The following SV2C variants were observed in gnomAD, a reference collection of about 807,000 sequenced individuals.
SV2C encodes the protein synaptic vesicle glycoprotein 2C.
SV2C carries 49 observed loss-of-function variants against 79.7 expected under a neutral mutation model. The observed-to-expected ratio is 0.61, with a 90% CI of 0.49 to 0.78. SV2C has a LOEUF of 0.78. SV2C is among the 30% of genes least tolerant of loss of function. SV2C has a pLI of 0.00. For missense variants in SV2C, 833 were observed against 912.9 expected, an observed-to-expected ratio of 0.91 and a Z score of 1.13; for synonymous variants, 334 against 333.2, an observed-to-expected ratio of 1.00 and a Z score of -0.03.
the SV2C span, among the ~76,000 whole-genome samples, chr5:75,914,671 C>G: frequency 6.6e-6 from 1 of 152,068 alleles, no homozygotes; most frequent in Non-Finnish European, 1.5e-5. Flanking sequence ...AATGTATATC[C>G]AAATCTAAAT....
the SV2C span, among the ~76,000 whole-genome samples, chr5:76,067,383 AT>A: frequency 6.6e-6 from 1 of 151,442 alleles, no homozygotes; most frequent in South Asian, 2.1e-4. Context: ...TCTCTTTGTT[AT>A]TTAGTATAAT....
At chr5:75,852,781 A>G in the SV2C span, among the ~76,000 whole-genome samples, 12,053 of 148,602 alleles carry the variant, frequency 0.081, 1,161 homozygotes, top group African/African-American at 0.24. Flanking sequence ...AGCTGCGATC[A>G]CGCAACTGCA....
intron 4 of SV2C, among the ~76,000 whole-genome samples, chr5:76,272,978 C>T (rs1185871080): frequency 6.6e-6 from 1 of 151,662 alleles, no homozygotes; most frequent in Non-Finnish European, 1.5e-5. Flanking sequence ...TAATGTGTGC[C>T]TATTTGTGCT....
chr5:76,017,250 T>A, the SV2C span, among the ~76,000 whole-genome samples: 1 of 152,204 alleles, frequency 6.6e-6, no homozygotes, highest in Non-Finnish European at 1.5e-5. Flanking sequence ...ATTTTATTAA[T>A]AATAATGGTT....
chr5:76,044,375 G>A, the SV2C span, among the ~76,000 whole-genome samples: 27 of 152,244 alleles, frequency 1.8e-4, no homozygotes, highest in African/African-American at 6.0e-4. Context: ...GAACATACAC[G>A]TGTATGTATC....
At chr5:76,135,433 G>A (rs1749034234) in intron 2 of SV2C, among the ~76,000 whole-genome samples, 1 of 152,094 alleles carries the variant, frequency 6.6e-6, no homozygotes, top group Admixed American at 6.6e-5. Context: ...GGCTGGTGGT[G>A]GAGGAGGAAT....
At chr5:76,285,057 A>G in intron 4 of SV2C, 105 bp from the exon 5 acceptor site, 1 of 1,498,826 alleles carries the variant, frequency 6.7e-7, no homozygotes, top group Middle Eastern at 2.4e-4. Flanking sequence ...CTCTGTGGAT[A>G]GTAAGACTTG....
the SV2C span, among the ~76,000 whole-genome samples, chr5:75,901,564 G>C: frequency 6.6e-6 from 1 of 152,228 alleles, no homozygotes; most frequent in East Asian, 1.9e-4. Context: ...GGGGCAATCT[G>C]CCCCTTCTCA....
the SV2C span, among the ~76,000 whole-genome samples, chr5:75,896,997 A>C: frequency 1.4e-5 from 2 of 143,926 alleles, no homozygotes; most frequent in African/African-American, 5.9e-5. Context: ...GGTTGCAAAA[A>C]TTTTCTCCCA....
At chr5:75,909,130 A>G in the SV2C span, among the ~76,000 whole-genome samples, 1 of 152,242 alleles carries the variant, frequency 6.6e-6, no homozygotes, top group Admixed American at 6.5e-5. Context: ...GTTTCCTGAC[A>G]GATCTTCCAT....
the SV2C span, among the ~76,000 whole-genome samples, chr5:76,029,148 A>G: frequency 6.6e-6 from 1 of 152,220 alleles, no homozygotes; most frequent in Non-Finnish European, 1.5e-5. Flanking sequence ...ACAATTTGAT[A>G]TTTTAAAGTA....
chr5:76,242,620 C>T (rs563304199), intron 4 of SV2C, among the ~76,000 whole-genome samples: 34 of 152,214 alleles, frequency 2.2e-4, no homozygotes, highest in Middle Eastern at 6.8e-3. Context: ...CAAAATGCTG[C>T]GAGGTCACAC....
chr5:75,987,198 A>G, the SV2C span, among the ~76,000 whole-genome samples: 2 of 151,956 alleles, frequency 1.3e-5, no homozygotes, highest in South Asian at 4.1e-4. Context: ...GCCAGCGTCC[A>G]TGAACCAGTA....
Position 76,095,326 on chromosome 5 carries a change from T to C in SV2C, c.-102+11814T>C, listed in dbSNP as rs549612067. 1.1e-3 allele frequency among the ~76,000 whole-genome samples: 164 copies of C among 152,216 alleles called. 1 individual carries two copies. Among genetic ancestry groups the C allele is most frequent in the African/African-American group, 3.8e-3 (157 of 41,578 alleles). On this transcript the variant is annotated intron_variant, in intron 1 of 12. Coordinates refer to ENST00000502798, the MANE Select transcript of SV2C (RefSeq NM_014979.4). ...TATTAACTGAAGTAGTAGAATTTCA[T>C]TGATATGCCTCTTATTAATTAACAA...
At chr5:76,280,973 G>C (rs1213488320) in intron 4 of SV2C, 1 of 537,446 alleles carries the variant, frequency 1.9e-6, no homozygotes. Flanking sequence ...CTGGTGATGC[G>C]GCCCAACAGG....
the SV2C span, among the ~76,000 whole-genome samples, chr5:75,936,327 C>T: frequency 6.6e-6 from 1 of 152,194 alleles, no homozygotes; most frequent in South Asian, 2.1e-4. Flanking sequence ...GTCTATGTCT[C>T]TACAGGTTCA....
At chr5:76,006,229 G>T in the SV2C span, among the ~76,000 whole-genome samples, 2 of 152,106 alleles carry the variant, frequency 1.3e-5, no homozygotes, top group Non-Finnish European at 2.9e-5. Context: ...CTGACCCAGT[G>T]CCAGCTTCAT....
chr5:75,993,427 G>A, the SV2C span, among the ~76,000 whole-genome samples: 1 of 151,966 alleles, frequency 6.6e-6, no homozygotes, highest in African/African-American at 2.4e-5. Flanking sequence ...ATGACAAGCT[G>A]AGTGAAAATC....
At chr5:75,911,238 C>A in the SV2C span, 1 of 1,546,842 alleles carries the variant, frequency 6.5e-7, no homozygotes, top group Non-Finnish European at 8.9e-7. Context: ...TTGGGAGTGG[C>A]AAGTCCCAGG....
Sources: allele counts gnomAD v4.1 joint callset (sites outside exome capture counted in the v4.1 genomes callset), GRCh38; gene constraint gnomAD v4.1.1; transcripts MANE v1.5; gene names NCBI Gene and HGNC (gene_info 2026-07-23, HGNC 2026-07-21).